Variants in NKD2 observed in about 807,000 individuals in gnomAD.
NKD2 encodes protein naked cuticle homolog 2.
NKD2 carries 43 observed loss-of-function variants against 34.8 expected under a neutral mutation model. That is an observed-to-expected ratio of 1.24 (90% CI 0.97 to 1.60). NKD2 has a LOEUF of 1.60. Among genes scored for constraint, NKD2 ranks in the 40% most tolerant of loss-of-function variants. NKD2 has a pLI of 0.00. For synonymous variants in NKD2, 278 were observed against 265.1 expected (o/e 1.05, Z -0.47); for missense variants, 675 against 627.1 (o/e 1.08, Z -0.82).
Position 1,038,646 on chromosome 5 carries a change from G to A in NKD2, c.*273G>A, listed in dbSNP as rs374099714. 1.8e-4 allele frequency: 122 copies of A among 684,040 alleles called. No individual in the cohort carries two copies. Among genetic ancestry groups the A allele is most frequent in the African/African-American group, 1.5e-3 (88 of 56,800 alleles). 42.4% of individuals were successfully genotyped at this position (684,040 alleles called of 1,614,324 possible). A position where few individuals can be genotyped will look rare whatever the true frequency, so the allele number is the denominator to read the frequency against. The stretch of plus-strand genomic sequence containing the variant: ...ACTATGTTTCCTGGCTCTAAGGCTC[G>A]TCTGTGTAACCCATAAAACCTGCTT... On this transcript the variant is annotated 3_prime_UTR_variant, in exon 10 of 10. Transcript: ENST00000296849. This position sits in a 1 kb window ranked among gnomAD's most constrained non-coding sequence, Gnocchi z 4.5.
At chr5:1,012,715 C>T (rs1202701004) in intron 3 of NKD2, among the ~76,000 whole-genome samples, 1 of 152,232 alleles carries the variant, frequency 6.6e-6, no homozygotes, top group African/African-American at 2.4e-5. Flanking sequence ...CCACAGTGCC[C>T]CAGAGGCTCA....
At chr5:1,021,246 A>G (rs1015908452) in intron 3 of NKD2, among the ~76,000 whole-genome samples, 4 of 152,110 alleles carry the variant, frequency 2.6e-5, no homozygotes, top group Admixed American at 1.3e-4. Context: ...CCTCTCAGAT[A>G]TGGAGGCTCC....
At position 1,035,409 on chromosome 5, in the gene NKD2, A is replaced by G. The variant is rs1244475599; in HGVS notation, c.595A>G (p.Arg199Gly). 1.3e-6 allele frequency: 2 copies of G among 1,559,324 alleles called. No homozygotes were observed. Among genetic ancestry groups the G allele is most frequent in the African/African-American group, 1.4e-5 (1 of 73,470 alleles). Residue 199 changes from arginine to glycine, a missense_variant, in exon 8 of 10, where the codon AGG becomes GGG. By Grantham distance (125) the Arg-to-Gly change is moderately radical. Coordinates refer to ENST00000296849, the MANE Select transcript of NKD2 (RefSeq NM_033120.4). ...AGQDREPTRC[R>G]MEGELAEEPR... The stretch of plus-strand genomic sequence containing the variant: ...TTCAGACCGGGAGCCCACCCGTTGC[A>G]GGATGGAGGGTGAACTGGCAGAGGA...
chr5:1,034,097 C>G, intron 5 of NKD2, 138 bp from the exon 6 acceptor site: 1 of 639,224 alleles, frequency 1.6e-6, no homozygotes, highest in Non-Finnish European at 2.7e-6. Context: ...GCTCCAGCCA[C>G]GCTGCCCTCT....
intron 3 of NKD2, among the ~76,000 whole-genome samples, chr5:1,031,730 G>A (rs1263661641): frequency 6.6e-6 from 1 of 152,152 alleles, no homozygotes; most frequent in Non-Finnish European, 1.5e-5. Context: ...GGGGTCCTGG[G>A]CAGCCATGCG....
intron 4 of NKD2, among the ~76,000 whole-genome samples, chr5:1,033,045 C>G (rs1756706723): frequency 6.6e-6 from 1 of 151,930 alleles, no homozygotes; most frequent in African/African-American, 2.4e-5. Context: ...GGGGAGGGGG[C>G]CCAATGATGA....
intron 3 of NKD2, among the ~76,000 whole-genome samples, chr5:1,028,974 A>G (rs1195013344): frequency 2.6e-5 from 4 of 152,272 alleles, no homozygotes; most frequent in Admixed American, 2.0e-4. Flanking sequence ...AGGTCTTCCC[A>G]GTGGGGAGGG....
intron 3 of NKD2, among the ~76,000 whole-genome samples, chr5:1,020,515 G>A (rs1476745235): frequency 1.3e-5 from 2 of 152,088 alleles, no homozygotes; most frequent in African/African-American, 4.8e-5. Context: ...CCTGAGCCAA[G>A]GTGTGGGCCC....
At chr5:1,030,946 AG>A (rs1306781430) in intron 3 of NKD2, among the ~76,000 whole-genome samples, 1 of 152,114 alleles carries the variant, frequency 6.6e-6, no homozygotes, top group East Asian at 1.9e-4. Flanking sequence ...CAGCCTCGGC[AG>A]CGCCACCTTA....
rs1418875333 is a variant in NKD2, at chr5:1,009,053, C to T, written c.-5C>T. 6.6e-6 allele frequency: 2 copies of T among 302,476 alleles called. No homozygotes were observed. The highest frequency in any genetic ancestry group is 1.1e-4 in the South Asian group (2 of 18,946). 18.7% of individuals were successfully genotyped at this position (302,476 alleles called of 1,614,324 possible). A position where few individuals can be genotyped will look rare whatever the true frequency, so the allele number is the denominator to read the frequency against. On this transcript the variant is annotated 5_prime_UTR_variant, in exon 1 of 10. Coordinates refer to ENST00000296849, the MANE Select transcript of NKD2 (RefSeq NM_033120.4). This position sits in a 1 kb window ranked among gnomAD's most constrained non-coding sequence, Gnocchi z 6.9. Reference sequence around the variant, plus strand: ...CGCGGGGCCCGGCGGGGCGTGGCGGCGGCGATGGGGAAACTGCAGTCGAAG... The same window carrying T: ...CGCGGGGCCCGGCGGGGCGTGGCGGTGGCGATGGGGAAACTGCAGTCGAAG...
intron 9 of NKD2, among the ~76,000 whole-genome samples, chr5:1,037,123 G>T (rs570375699): frequency 6.6e-6 from 1 of 152,280 alleles, no homozygotes; most frequent in Non-Finnish European, 1.5e-5. Context: ...TGGATGGCAG[G>T]CAGCATAGAT....
At chr5:1,032,099 C>T (rs1756665425) in intron 3 of NKD2, 53 bp from the exon 4 acceptor site, 1 of 1,451,584 alleles carries the variant, frequency 6.9e-7, no homozygotes, top group African/African-American at 1.4e-5. Context: ...TGCCCATCTC[C>T]CCCGCCTGCC....
chr5:1,032,098 C>G, intron 3 of NKD2, 54 bp from the exon 4 acceptor site: 2 of 1,440,948 alleles, frequency 1.4e-6, no homozygotes, highest in Non-Finnish European at 2.0e-6. Flanking sequence ...CTGCCCATCT[C>G]CCCCGCCTGC....
Sources: allele counts gnomAD v4.1 joint callset (sites outside exome capture counted in the v4.1 genomes callset), GRCh38; gene constraint gnomAD v4.1.1; non-coding constraint Gnocchi (gnomAD v3.1); transcripts MANE v1.5; gene names NCBI Gene and HGNC (gene_info 2026-07-23, HGNC 2026-07-21).